ZFHX3: variants seen among roughly 807,000 people sequenced by gnomAD.
The protein encoded by ZFHX3 is zinc finger homeobox protein 3.
ZFHX3 carries 42 observed loss-of-function variants against 279.1 expected under a neutral mutation model. That is an observed-to-expected ratio of 0.15 (90% confidence interval 0.12 to 0.19). ZFHX3 has a LOEUF of 0.19. ZFHX3 is among the 10% of genes least tolerant of loss of function. The pLI is 1.00. For synonymous variants in ZFHX3, 2,293 were observed against 1,957.8 expected (o/e 1.17, Z -4.52); for missense variants, 4,981 against 4,754.0 (o/e 1.05, Z -1.40).
intron 5 of ZFHX3, among the ~76,000 whole-genome samples, chr16:73,194,991 T>C (rs1218381304): frequency 6.6e-6 from 1 of 152,208 alleles, no homozygotes; most frequent in East Asian, 1.9e-4. Flanking sequence ...TCGCTAGGAT[T>C]CTACCTGGAT....
At chr16:73,352,244 G>C (rs1204347169) in intron 3 of ZFHX3, among the ~76,000 whole-genome samples, 1 of 152,164 alleles carries the variant, frequency 6.6e-6, no homozygotes, top group Non-Finnish European at 1.5e-5. Context: ...GCACTGCATG[G>C]CCTAAAGCAG....
chr16:73,577,581 T>C (rs1365373979), intron 2 of ZFHX3, among the ~76,000 whole-genome samples: 1 of 152,190 alleles, frequency 6.6e-6, no homozygotes, highest in Non-Finnish European at 1.5e-5. Context: ...CAGACCCCAC[T>C]TCCCAACCTC....
chr16:73,314,110 A>T (rs1241663552), intron 4 of ZFHX3, among the ~76,000 whole-genome samples: 1 of 152,158 alleles, frequency 6.6e-6, no homozygotes, highest in Non-Finnish European at 1.5e-5. Context: ...AAAGAAAAAA[A>T]ATCTGGTGAG....
At chr16:73,736,827 CAG>C (rs1375264027) in intron 1 of ZFHX3, among the ~76,000 whole-genome samples, 1 of 152,182 alleles carries the variant, frequency 6.6e-6, no homozygotes, top group Non-Finnish European at 1.5e-5. Context: ...CCAACCCAAA[CAG>C]GGGTATTGTT....
intron 3 of ZFHX3, among the ~76,000 whole-genome samples, chr16:73,444,994 G>C (rs928249248): frequency 4.0e-5 from 6 of 150,022 alleles, no homozygotes; most frequent in African/African-American, 1.5e-4. Context: ...AATTAGCCAG[G>C]TGTGGTGACA....
chr16:73,185,230 T>A (rs1967885408), intron 5 of ZFHX3, among the ~76,000 whole-genome samples: 1 of 152,206 alleles, frequency 6.6e-6, no homozygotes, highest in African/African-American at 2.4e-5. Flanking sequence ...TGATGGCTAA[T>A]ATTTCTTGAA....
At chr16:73,107,442 G>C (rs1478805255) in intron 7 of ZFHX3, among the ~76,000 whole-genome samples, 2 of 152,174 alleles carry the variant, frequency 1.3e-5, no homozygotes, top group African/African-American at 4.8e-5. Flanking sequence ...CCATGTTAGA[G>C]GTGGGTGTTT....
chr16:73,486,930 C>G (rs771619716), intron 2 of ZFHX3: 18 of 446,376 alleles, frequency 4.0e-5, no homozygotes, highest in Non-Finnish European at 4.0e-5. Flanking sequence ...CACTGTAAGG[C>G]CAAGGCAATT....
At chr16:73,209,281 T>C (rs550743906) in intron 5 of ZFHX3, among the ~76,000 whole-genome samples, 1 of 152,212 alleles carries the variant, frequency 6.6e-6, no homozygotes, top group Non-Finnish European at 1.5e-5. Context: ...AGGAGAGGAA[T>C]AGCATTGTCT....
rs765144402 is a variant in ZFHX3 at position 73,614,509 on chromosome 16, G to A, written c.-1547+65671C>T. Among the ~76,000 whole-genome samples the A allele has an allele frequency of 7.2e-5, 11 of 152,006 alleles. No homozygotes were observed. The South Asian group carries it at 1.5e-3, about 20-fold the overall frequency. On this transcript the variant is annotated intron_variant, in intron 2 of 17. Coordinates refer to the ZFHX3 transcript ENST00000641206. Reference sequence around the variant, plus strand: ...AAAATAAAAAATGAAAAGATTCCACGGGCACTATATATCTAAGAGAAGAGC... The same window carrying A: ...AAAATAAAAAATGAAAAGATTCCACAGGCACTATATATCTAAGAGAAGAGC...
intron 5 of ZFHX3, among the ~76,000 whole-genome samples, chr16:73,195,196 T>C (rs966758781): frequency 6.6e-6 from 1 of 152,098 alleles, no homozygotes; most frequent in Non-Finnish European, 1.5e-5. Context: ...ATTTCTTAAA[T>C]CACTTTCTCA....
chr16:73,523,118 C>G (rs760199180), intron 2 of ZFHX3, among the ~76,000 whole-genome samples: 1 of 152,186 alleles, frequency 6.6e-6, no homozygotes, highest in Admixed American at 6.5e-5. Context: ...TTTCACTGTG[C>G]CTTTATTTCT....
At chr16:72,854,321 CTG>C (rs1307603968) in intron 4 of ZFHX3, among the ~76,000 whole-genome samples, 1 of 152,214 alleles carries the variant, frequency 6.6e-6, no homozygotes, top group Non-Finnish European at 1.5e-5. Context: ...TTTATGGAAT[CTG>C]TCACTTCTAT....
At chr16:72,879,067 A>T in intron 4 of ZFHX3, among the ~76,000 whole-genome samples, 1 of 152,130 alleles carries the variant, frequency 6.6e-6, no homozygotes, top group East Asian at 1.9e-4. Context: ...CAGCCATGGG[A>T]AGCAGGATGT....
intron 1 of ZFHX3, among the ~76,000 whole-genome samples, chr16:73,787,330 C>T (rs406105): frequency 6.6e-6 from 1 of 152,188 alleles, no homozygotes; most frequent in East Asian, 1.9e-4. Context: ...ACCAGACACA[C>T]TGTGATTAAA....
intron 1 of ZFHX3, among the ~76,000 whole-genome samples, chr16:73,019,346 G>A (rs891141899): frequency 0.018 from 1,953 of 110,848 alleles, 24 homozygotes; most frequent in African/African-American, 0.055. Flanking sequence ...GTCTGTGCGT[G>A]TGTGTGTGTG....
At chr16:73,654,818 AC>A (rs1391553432) in intron 2 of ZFHX3, among the ~76,000 whole-genome samples, 2 of 150,956 alleles carry the variant, frequency 1.3e-5, no homozygotes, top group East Asian at 3.9e-4. Flanking sequence ...TTTTAAAAAA[AC>A]AATAGGTTAT....
At chr16:73,440,063 T>A (rs2018063301) in intron 3 of ZFHX3, among the ~76,000 whole-genome samples, 1 of 151,716 alleles carries the variant, frequency 6.6e-6, no homozygotes, top group Non-Finnish European at 1.5e-5. Flanking sequence ...GGGAACTAAG[T>A]GAGGGTTCAT....
intron 2 of ZFHX3, among the ~76,000 whole-genome samples, chr16:73,466,308 C>A (rs895484843): frequency 1.3e-5 from 2 of 152,100 alleles, no homozygotes; most frequent in African/African-American, 4.8e-5. Context: ...ATGGGAAAAC[C>A]CTGTCTCTAC....
Sources: allele counts gnomAD v4.1 joint callset (sites outside exome capture counted in the v4.1 genomes callset), GRCh38; gene constraint gnomAD v4.1.1; transcripts MANE v1.5; gene names NCBI Gene and HGNC (gene_info 2026-07-23, HGNC 2026-07-21).